The following FAM228B variants were observed in gnomAD, a reference collection of about 807,000 sequenced individuals.
FAM228B encodes family with sequence similarity 228 member B, also known as protein FAM228B.
In FAM228B, 38 loss-of-function variants were observed where a neutral mutation model predicts 42.6. The ratio of observed to expected loss-of-function variants is 0.89; its 90% CI spans 0.69 to 1.17. FAM228B has a LOEUF of 1.17. Among genes scored for constraint, FAM228B ranks in the 50% most tolerant of loss-of-function variants. The pLI is 0.00. For synonymous variants in FAM228B, 109 were observed against 122.3 expected, an observed-to-expected ratio of 0.89 and a Z score of 0.72; for missense variants, 344 against 367.3, an observed-to-expected ratio of 0.94 and a Z score of 0.52.
chr2:24,077,379 C>G lies in FAM228B; in HGVS notation c.-290+410C>G, dbSNP rs773363688. 3 of 520,600 alleles carry G rather than the reference C, an allele frequency of 5.8e-6. No individual in the cohort carries two copies. Among genetic ancestry groups the G allele is most frequent in the African/African-American group, 1.9e-5 (1 of 52,824 alleles). The allele number at this position is 520,600 out of a possible 1,614,324, so 32.2% of individuals were successfully genotyped here. A position where few individuals can be genotyped will look rare whatever the true frequency, so the allele number is the denominator to read the frequency against. Reference sequence around the variant, plus strand: ...CCTCAGTAATCCCCGCTGCGACGCCCGTCCGGACTCCCACCTCAACCCCGC... The same window carrying G: ...CCTCAGTAATCCCCGCTGCGACGCCGGTCCGGACTCCCACCTCAACCCCGC... On this transcript the variant is annotated intron_variant, in intron 1 of 10. Coordinates refer to the FAM228B transcript ENST00000613899. The surrounding 1 kb of genome is among the most constrained non-coding windows in gnomAD (Gnocchi z 5.5).
chr2:24,145,531 C>A (rs1361914028), intron 5 of FAM228B, among the ~76,000 whole-genome samples: 1 of 152,148 alleles, frequency 6.6e-6, no homozygotes, highest in Non-Finnish European at 1.5e-5. Context: ...ACCCCAGATG[C>A]ACAGATGTCA....
At chr2:24,079,336 A>G (rs1664894815) in intron 1 of FAM228B, 2 of 1,254,756 alleles carry the variant, frequency 1.6e-6, no homozygotes, top group Non-Finnish European at 2.2e-6. Context: ...GTTTCTTCAT[A>G]GAAACTAACC....
chr2:24,105,295 A>G (rs1308805760), intron 3 of FAM228B, among the ~76,000 whole-genome samples: 1 of 152,224 alleles, frequency 6.6e-6, no homozygotes, highest in Admixed American at 6.5e-5. Context: ...GAACACCCCA[A>G]AAAAGAAATG....
intron 2 of FAM228B, among the ~76,000 whole-genome samples, chr2:24,090,463 A>G (rs890044895): frequency 1.3e-5 from 2 of 148,688 alleles, no homozygotes; most frequent in African/African-American, 4.9e-5. Flanking sequence ...GCACGCCTGT[A>G]GTCCCAGGTA....
At chr2:24,121,027 A>G (rs1197290121), upstream of FAM228B, 4 of 1,164,374 alleles carry the variant, frequency 3.4e-6, no homozygotes, top group African/African-American at 4.6e-5. Flanking sequence ...TCCTGGCACT[A>G]GACTGCTATC....
chr2:24,146,008 TGA>T, intron 5 of FAM228B, among the ~76,000 whole-genome samples: 1 of 152,282 alleles, frequency 6.6e-6, no homozygotes, highest in South Asian at 2.1e-4. Context: ...CTTTTTATAG[TGA>T]GTTAATATTT....
intron 3 of FAM228B, among the ~76,000 whole-genome samples, chr2:24,114,791 TG>T (rs1213210541): frequency 1.3e-5 from 2 of 152,214 alleles, no homozygotes; most frequent in African/African-American, 4.8e-5. Context: ...TCCACCCTTA[TG>T]GTCCAGATTA....
intron 5 of FAM228B, chr2:24,142,488 T>C (rs944036488): frequency 6.6e-6 from 1 of 152,252 alleles, no homozygotes; most frequent in East Asian, 1.9e-4. Context: ...TACACATCTT[T>C]TAGATGTTCT....
intron 2 of FAM228B, among the ~76,000 whole-genome samples, chr2:24,131,374 G>C (rs1455411923): frequency 3.3e-5 from 5 of 152,178 alleles, no homozygotes; most frequent in Non-Finnish European, 7.3e-5. Context: ...GAATGTCAAT[G>C]GTAGATTGGT....
At chr2:24,160,556 G>A (rs935406445) in intron 7 of FAM228B, among the ~76,000 whole-genome samples, 24 of 150,510 alleles carry the variant, frequency 1.6e-4, no homozygotes, top group African/African-American at 4.6e-4. Context: ...TTCTTTCTTC[G>A]CTGTGTTTGA....
At chr2:24,119,678 T>C, upstream of FAM228B, 2 of 1,607,840 alleles carry the variant, frequency 1.2e-6, no homozygotes, top group South Asian at 1.1e-5. Context: ...CACACCAGTG[T>C]TCTCCTGTAT....
At chr2:24,125,136 G>A (rs1231577233) in intron 2 of FAM228B, among the ~76,000 whole-genome samples, 4 of 152,154 alleles carry the variant, frequency 2.6e-5, no homozygotes. Flanking sequence ...CAGCACGTTG[G>A]GAGGCTGAGG....
chr2:24,158,919 C>T (rs540336637), intron 7 of FAM228B, among the ~76,000 whole-genome samples: 36 of 152,328 alleles, frequency 2.4e-4, no homozygotes, highest in African/African-American at 7.9e-4. Context: ...GGAAGACTAA[C>T]GTCCAGGTAC....
chr2:24,159,407 C>T (rs1188567306), intron 7 of FAM228B, among the ~76,000 whole-genome samples: 2 of 152,122 alleles, frequency 1.3e-5, no homozygotes, highest in South Asian at 4.2e-4. Flanking sequence ...TAAGGACACA[C>T]AAAGAAGGGT....
intron 2 of FAM228B, among the ~76,000 whole-genome samples, chr2:24,130,313 T>C (rs188990275): frequency 3.9e-5 from 6 of 152,348 alleles, no homozygotes; most frequent in African/African-American, 1.2e-4. Context: ...TATATTCCTT[T>C]AGGTACATAC....
At chr2:24,081,733 G>A (rs1665012048) in intron 2 of FAM228B, among the ~76,000 whole-genome samples, 1 of 148,966 alleles carries the variant, frequency 6.7e-6, no homozygotes, top group Non-Finnish European at 1.5e-5. Context: ...CTGTCACCCA[G>A]GCTGGAGTGC....
intron 7 of FAM228B, among the ~76,000 whole-genome samples, chr2:24,150,799 T>TG (rs1558391492): frequency 6.6e-6 from 1 of 152,022 alleles, no homozygotes; most frequent in East Asian, 1.9e-4. Context: ...TGCTGCCAGA[T>TG]GTGGTGGAGC....
intron 7 of FAM228B, among the ~76,000 whole-genome samples, chr2:24,160,060 C>T (rs999600989): frequency 6.6e-6 from 1 of 150,602 alleles, no homozygotes; most frequent in African/African-American, 2.4e-5. Context: ...GTGACCTTGG[C>T]TAACTGCAGC....
chr2:24,132,607 T>C (rs964648086), intron 2 of FAM228B, among the ~76,000 whole-genome samples: 69 of 151,894 alleles, frequency 4.5e-4, no homozygotes, highest in African/African-American at 1.7e-3. Context: ...AATTTATCCA[T>C]TTCTTCTAGA....
Sources: allele counts gnomAD v4.1 joint callset (sites outside exome capture counted in the v4.1 genomes callset), GRCh38; gene constraint gnomAD v4.1.1; non-coding constraint Gnocchi (gnomAD v3.1); transcripts MANE v1.5; gene names NCBI Gene and HGNC (gene_info 2026-07-23, HGNC 2026-07-21).